CA10: variants seen among roughly 807,000 people sequenced by gnomAD.
CA10 encodes carbonic anhydrase 10 (inactive), also known as carbonic anhydrase-related protein 10.
In CA10, 14 loss-of-function variants were observed where a neutral mutation model predicts 44.2. The observed-to-expected ratio is 0.32, with a 90% CI of 0.21 to 0.50. The LOEUF (loss-of-function observed/expected upper bound fraction) is 0.50. Among genes scored for constraint, CA10 ranks in the 20% least tolerant of loss-of-function variants. The probability of loss-of-function intolerance (pLI) is 0.99; values close to 1 mark genes in which losing one functional copy is unlikely to be tolerated. For synonymous variants in CA10, 159 were observed against 141.6 expected (o/e 1.12, Z -0.87); for missense variants, 350 against 409.7 (o/e 0.85, Z 1.26).
chr17:51,978,535 A>G (rs1019960059), intron 2 of CA10, among the ~76,000 whole-genome samples: 1 of 152,032 alleles, frequency 6.6e-6, no homozygotes, highest in African/African-American at 2.4e-5. Context: ...CCTCTACTTC[A>G]TATCATATCA....
At chr17:52,073,196 T>C (rs1987730965) in intron 1 of CA10, among the ~76,000 whole-genome samples, 1 of 152,246 alleles carries the variant, frequency 6.6e-6, no homozygotes, top group African/African-American at 2.4e-5. Flanking sequence ...CTACTATTAA[T>C]GTTAAATCTT....
chr17:51,934,151 A>G (rs1982773808), intron 2 of CA10, among the ~76,000 whole-genome samples: 1 of 152,102 alleles, frequency 6.6e-6, no homozygotes, highest in African/African-American at 2.4e-5. Context: ...TTACCCCTGG[A>G]TGGCTGATTT....
rs567075455 is a variant in CA10 at position 52,080,410 on chromosome 17, C to CCACTG, written c.62-8022_62-8018dup. On this transcript the variant is annotated intron_variant, in intron 1 of 8. Transcript: ENST00000451037. Reference sequence around the variant, plus strand: ...GAGCTTGCAGTGAGCCGAGATTGCACCACTGCACTCCAGCCTGGGTGACAG... The same window carrying CCACTG: ...GAGCTTGCAGTGAGCCGAGATTGCACCACTGCACTGCACTCCAGCCTGGGTGACAG... Among the ~76,000 whole-genome samples the CCACTG allele has an allele frequency of 4.0e-4, 60 of 151,458 alleles. 1 individual carries two copies. In the East Asian group the frequency reaches 0.011, roughly 27 times the overall value.
intron 3 of CA10, among the ~76,000 whole-genome samples, chr17:51,894,166 A>G (rs1182647635): frequency 3.3e-5 from 5 of 152,118 alleles, no homozygotes; most frequent in African/African-American, 1.2e-4. Flanking sequence ...TCATAACACA[A>G]AATGGAAGAA....
At chr17:52,147,773 C>G (rs1989620169) in intron 1 of CA10, among the ~76,000 whole-genome samples, 1 of 152,158 alleles carries the variant, frequency 6.6e-6, no homozygotes, top group South Asian at 2.1e-4. Flanking sequence ...ACACCCAGGT[C>G]ATACAATAGA....
chr17:51,961,119 T>A (rs114035843), intron 2 of CA10, among the ~76,000 whole-genome samples: 362 of 151,992 alleles, frequency 2.4e-3, no homozygotes, highest in African/African-American at 8.3e-3. Flanking sequence ...ATGTTGAACT[T>A]GTCTAGCCAG....
chr17:52,099,139 C>A (rs960647640), intron 1 of CA10, among the ~76,000 whole-genome samples: 1 of 151,516 alleles, frequency 6.6e-6, no homozygotes, highest in Admixed American at 6.6e-5. Flanking sequence ...AGCAGGAAGA[C>A]GCCATGTATA....
intron 4 of CA10, among the ~76,000 whole-genome samples, chr17:51,721,158 C>T (rs1365965251): frequency 2.0e-5 from 3 of 151,838 alleles, no homozygotes; most frequent in Admixed American, 1.3e-4. Flanking sequence ...GGCGAAACCC[C>T]GTCTCTACTA....
intron 3 of CA10, among the ~76,000 whole-genome samples, chr17:51,891,047 A>G (rs1598102932): frequency 6.6e-6 from 1 of 152,226 alleles, no homozygotes; most frequent in Non-Finnish European, 1.5e-5. Flanking sequence ...ATTTTGATTG[A>G]AAAAGATGCA....
intron 3 of CA10, among the ~76,000 whole-genome samples, chr17:51,758,739 T>A (rs2143632192): frequency 6.6e-6 from 1 of 152,384 alleles, no homozygotes; most frequent in South Asian, 2.1e-4. Context: ...GTTATTTTAA[T>A]AATTTAGTAT....
At chr17:52,054,466 T>C (rs1051396099) in intron 2 of CA10, among the ~76,000 whole-genome samples, 1 of 152,136 alleles carries the variant, frequency 6.6e-6, no homozygotes, top group Non-Finnish European at 1.5e-5. Flanking sequence ...GCCCTGGTCC[T>C]GTGGTCCTGT....
chr17:51,830,054 G>C (rs1264866518), intron 3 of CA10, among the ~76,000 whole-genome samples: 1 of 151,898 alleles, frequency 6.6e-6, no homozygotes, highest in African/African-American at 2.4e-5. Context: ...AAAATTAGCC[G>C]GGTGTGTTGG....
chr17:51,856,721 T>C (rs937168157), intron 3 of CA10, among the ~76,000 whole-genome samples: 5 of 152,152 alleles, frequency 3.3e-5, no homozygotes, highest in African/African-American at 1.2e-4. Flanking sequence ...TACAAGCTGC[T>C]TGTGCAGAGT....
intron 2 of CA10, among the ~76,000 whole-genome samples, chr17:52,042,252 C>T (rs931385264): frequency 9.9e-5 from 15 of 151,980 alleles, no homozygotes; most frequent in Non-Finnish European, 1.5e-4. Flanking sequence ...TCCTCACCAA[C>T]GTTTGTTATC....
At chr17:51,830,917 C>G (rs1033071685) in intron 3 of CA10, among the ~76,000 whole-genome samples, 1 of 152,166 alleles carries the variant, frequency 6.6e-6, no homozygotes, top group African/African-American at 2.4e-5. Flanking sequence ...AGACCACAGG[C>G]CTGAACTTGG....
intron 4 of CA10, among the ~76,000 whole-genome samples, chr17:51,695,315 A>G (rs1025669393): frequency 7.8e-6 from 1 of 127,930 alleles, no homozygotes; most frequent in Non-Finnish European, 1.6e-5. Flanking sequence ...TGTTTCCTGT[A>G]TGATTTCTTT....
At chr17:51,828,966 G>A (rs1908130909) in intron 3 of CA10, among the ~76,000 whole-genome samples, 1 of 152,204 alleles carries the variant, frequency 6.6e-6, no homozygotes, top group South Asian at 2.1e-4. Flanking sequence ...CATCACAGGT[G>A]AAGAGTTTCA....
chr17:51,913,778 G>C (rs530728516), intron 3 of CA10, among the ~76,000 whole-genome samples: 21 of 152,246 alleles, frequency 1.4e-4, no homozygotes, highest in African/African-American at 4.8e-4. Context: ...TGGGGATGCT[G>C]AGCCAAATAC....
chr17:52,067,007 G>T (rs919030995), intron 2 of CA10, among the ~76,000 whole-genome samples: 2 of 152,224 alleles, frequency 1.3e-5, no homozygotes, highest in African/African-American at 4.8e-5. Context: ...TGGAAAGTTT[G>T]CAGCCTGATG....
Sources: gnomAD v4.1 joint callset for allele counts (sites outside exome capture counted in the v4.1 genomes callset) on GRCh38, gnomAD v4.1.1 for gene constraint, MANE v1.5 for transcripts, NCBI Gene and HGNC (gene_info 2026-07-23, HGNC 2026-07-21) for gene names.